The following HTT variants were observed in gnomAD, a reference collection of about 807,000 sequenced individuals.
HTT encodes the protein huntington disease protein.
Under a neutral mutation model 362.3 loss-of-function variants are expected in HTT, and 104 were observed. That is an observed-to-expected ratio of 0.29 (90% CI 0.24 to 0.34). HTT has a LOEUF of 0.34. Ranked by LOEUF, HTT falls within the 10% of genes least tolerant of loss-of-function variation. The probability of loss-of-function intolerance (pLI) is 1.00; values close to 1 mark genes in which losing one functional copy is unlikely to be tolerated. For synonymous variants in HTT, 1,577 were observed against 1,548.7 expected (o/e 1.02, Z -0.43); for missense variants, 3,301 against 3,928.6 (o/e 0.84, Z 4.27).
intron 40 of HTT, among the ~76,000 whole-genome samples, chr4:3,192,018 T>C (rs1487197454): frequency 6.6e-6 from 1 of 152,166 alleles, no homozygotes; most frequent in Non-Finnish European, 1.5e-5. Flanking sequence ...GTGGTCTGCA[T>C]TGTATATTTA....
At chr4:3,219,156 G>C (rs1019854547) in intron 52 of HTT, among the ~76,000 whole-genome samples, 10 of 152,206 alleles carry the variant, frequency 6.6e-5, no homozygotes, top group African/African-American at 2.4e-4. Flanking sequence ...AGCAGCAGGG[G>C]TGCTGGAGAA....
intron 2 of HTT, among the ~76,000 whole-genome samples, chr4:3,095,679 T>C (rs927440229): frequency 6.6e-6 from 1 of 152,214 alleles, no homozygotes; most frequent in Non-Finnish European, 1.5e-5. Context: ...GGAAACTAAT[T>C]TATGCTGCAT....
At chr4:3,233,028 G>A (rs746444102) in intron 60 of HTT, 135 bp from the exon 61 acceptor site, 72 of 679,130 alleles carry the variant, frequency 1.1e-4, no homozygotes, top group Non-Finnish European at 1.6e-4. Context: ...AGGCCTCTCA[G>A]GATGGTCTCC....
chr4:3,158,070 C>T (rs1717245587), intron 28 of HTT, among the ~76,000 whole-genome samples: 1 of 109,906 alleles, frequency 9.1e-6, no homozygotes, highest in African/African-American at 4.0e-5. Context: ...TGCCTCCCTG[C>T]AGTCTCAGGG....
chr4:3,157,315 A>G (rs888738020), intron 28 of HTT, 116 bp downstream of exon 28: 2 of 998,980 alleles, frequency 2.0e-6, no homozygotes, highest in African/African-American at 1.7e-5. Context: ...TATGAGTTAC[A>G]TTTAGTTTTT....
chr4:3,178,070 C>T (rs1427686578), intron 34 of HTT, among the ~76,000 whole-genome samples: 3 of 152,192 alleles, frequency 2.0e-5, no homozygotes, highest in Non-Finnish European at 2.9e-5. Flanking sequence ...CCTGTGCCGT[C>T]GGGTGCCTTC....
chr4:3,092,892 A>T (rs549894067), intron 2 of HTT, among the ~76,000 whole-genome samples: 1 of 152,374 alleles, frequency 6.6e-6, no homozygotes, highest in South Asian at 2.1e-4. Flanking sequence ...TAGTTATCCC[A>T]GGAAAATGAA....
chr4:3,148,363 A>G (rs1325905262), intron 26 of HTT, among the ~76,000 whole-genome samples, 156 bp downstream of exon 26: 1 of 152,196 alleles, frequency 6.6e-6, no homozygotes, highest in Non-Finnish European at 1.5e-5. Flanking sequence ...TCAAAATGTG[A>G]CCATGTGGAT....
intron 50 of HTT, 87 bp downstream of exon 50, chr4:3,214,222 G>A (rs752578839): frequency 3.5e-5 from 38 of 1,087,296 alleles, no homozygotes; most frequent in Non-Finnish European, 4.5e-5. Context: ...TGTTTGCCAG[G>A]TACTAAGCTA....
At position 3,142,905 on chromosome 4, in the gene HTT, C is replaced by CAT. The variant is rs746158554; in HGVS notation, c.3066+19_3066+20insAT. The CAT allele has an allele frequency of 1.4e-4, 226 of 1,607,668 alleles. 2 individuals carry two copies. The highest frequency in any genetic ancestry group is 1.8e-4 in the Non-Finnish European group (210 of 1,175,158). ...ACTCACAGTAAGTCTCTTTCTTGAT[C>CAT]GGTCTTACTGACATTGTAATAGTTT... On this transcript the variant is annotated intron_variant, in intron 23 of 66. Transcript: ENST00000355072.
At chr4:3,084,805 A>G (rs902992047) in intron 1 of HTT, among the ~76,000 whole-genome samples, 1 of 151,904 alleles carries the variant, frequency 6.6e-6, no homozygotes, top group African/African-American at 2.4e-5. Flanking sequence ...CGAGGTCAGG[A>G]GATCCAGACC....
chr4:3,202,817 G>A (rs772968303), intron 41 of HTT, among the ~76,000 whole-genome samples: 1 of 152,076 alleles, frequency 6.6e-6, no homozygotes, highest in African/African-American at 2.4e-5. Flanking sequence ...TTCAAGACTA[G>A]CCTGGGCTGC....
chr4:3,191,190 T>C (rs1327044762), intron 40 of HTT, among the ~76,000 whole-genome samples: 1 of 151,600 alleles, frequency 6.6e-6, no homozygotes. Context: ...TTTTTTTTTT[T>C]GAGACAGAGT....
At chr4:3,237,772 G>A (rs920366985) in intron 64 of HTT, among the ~76,000 whole-genome samples, 1 of 152,164 alleles carries the variant, frequency 6.6e-6, no homozygotes, top group African/African-American at 2.4e-5. Flanking sequence ...TGTGTGCACT[G>A]ATGAGACGGG....
intron 26 of HTT, among the ~76,000 whole-genome samples, chr4:3,150,880 C>T (rs186004158): frequency 6.6e-6 from 1 of 151,152 alleles, no homozygotes; most frequent in Non-Finnish European, 1.5e-5. Context: ...ACTAAAAATA[C>T]AAAAAAAAAT....
chr4:3,167,481 A>G (rs1717774778), intron 29 of HTT, among the ~76,000 whole-genome samples: 1 of 151,926 alleles, frequency 6.6e-6, no homozygotes, highest in Non-Finnish European at 1.5e-5. Flanking sequence ...AAAATACTAT[A>G]TGTTTTAAAT....
At position 3,187,770 on chromosome 4, in the gene HTT, G is replaced by A. The variant is rs760738948; in HGVS notation, c.5109G>A (p.Pro1703=). Residue 1703 remains proline, a synonymous_variant, in exon 39 of 67, where the codon CCG becomes CCA. Transcript: ENST00000355072. ...GTATTCAGGAGCTCTCCTTCTCTCCGTATTTAATCTCCTGTACAGTAATTA... is the reference window on the plus strand; with the variant it reads ...GTATTCAGGAGCTCTCCTTCTCTCCATATTTAATCTCCTGTACAGTAATTA... ...LSRIQELSFS[P]YLISCTVINR... 6.8e-6 allele frequency: 11 copies of A among 1,612,544 alleles called. No individual in the cohort carries two copies. Among genetic ancestry groups the A allele is most frequent in the East Asian group, 6.7e-5 (3 of 44,880 alleles).
Position 3,228,793 on chromosome 4 carries a change from T to C in HTT, c.7979+48T>C, listed in dbSNP as rs761575639. 1.0e-5 allele frequency: 16 copies of C among 1,567,896 alleles called. No individual in the cohort carries two copies. Among genetic ancestry groups the C allele is most frequent in the Non-Finnish European group, 1.3e-5 (15 of 1,153,276 alleles). On this transcript the variant is annotated intron_variant, in intron 58 of 66. Coordinates refer to ENST00000355072, the MANE Select transcript of HTT (RefSeq NM_001388492.1). The surrounding 1 kb of genome is among the most constrained non-coding windows in gnomAD (Gnocchi z 4.3). ...TTTAACAGAAATTTGAAATTTCTTA[T>C]CAGTCATTTGATTTGTTTGAGGTGC...
intron 47 of HTT, 26 bp from the exon 48 acceptor site, chr4:3,211,900 TTTG>T (rs1370784254): frequency 3.9e-6 from 6 of 1,524,758 alleles, no homozygotes; most frequent in Non-Finnish European, 5.5e-6. Flanking sequence ...GTTGTTATTG[TTTG>T]TTAACCTTTA....
Sources: allele counts gnomAD v4.1 joint callset (sites outside exome capture counted in the v4.1 genomes callset), GRCh38; gene constraint gnomAD v4.1.1; non-coding constraint Gnocchi (gnomAD v3.1); transcripts MANE v1.5; gene names NCBI Gene and HGNC (gene_info 2026-07-23, HGNC 2026-07-21).